AFF1: variants seen among roughly 807,000 people sequenced by gnomAD.
AFF1 encodes AF4/FMR2 family member 1.
Under a neutral mutation model 121.7 loss-of-function variants are expected in AFF1, and 48 were observed. The ratio of observed to expected loss-of-function variants is 0.39; its 90% confidence interval spans 0.31 to 0.50. AFF1 has a LOEUF of 0.50. Among genes scored for constraint, AFF1 ranks in the 20% least tolerant of loss-of-function variants. The pLI, the probability that AFF1 is intolerant of heterozygous loss-of-function variation, is 0.76. For missense variants in AFF1, 1,523 were observed against 1,511.7 expected (o/e 1.01, Z -0.12); for synonymous variants, 613 against 563.0 (o/e 1.09, Z -1.26).
chr4:87,012,274 A>T (rs544656123), intron 2 of AFF1, among the ~76,000 whole-genome samples: 1 of 140,250 alleles, frequency 7.1e-6, no homozygotes, highest in Non-Finnish European at 1.5e-5. Context: ...GGGGTTTTCA[A>T]CATCTTGGCC....
chr4:86,982,796 C>G (rs1276658498), intron 2 of AFF1, among the ~76,000 whole-genome samples: 1 of 135,188 alleles, frequency 7.4e-6, no homozygotes, highest in Non-Finnish European at 1.5e-5. Flanking sequence ...TGTGGTGAGC[C>G]GAGATCGTGC....
intron 2 of AFF1, among the ~76,000 whole-genome samples, chr4:87,040,832 C>A (rs1730063667): frequency 6.7e-6 from 1 of 148,330 alleles, no homozygotes; most frequent in Non-Finnish European, 1.5e-5. Flanking sequence ...CTCAGCCCCC[C>A]AAAGTGCTGG....
At chr4:87,038,923 A>G (rs563219968) in intron 2 of AFF1, among the ~76,000 whole-genome samples, 2 of 152,166 alleles carry the variant, frequency 1.3e-5, no homozygotes, top group African/African-American at 4.8e-5. Context: ...AGGAAGGCCT[A>G]TGTGAAGTGA....
At chr4:87,091,728 G>A (rs571448176) in intron 6 of AFF1, 65 bp from the exon 7 acceptor site, 3 of 1,112,412 alleles carry the variant, frequency 2.7e-6, no homozygotes, top group Admixed American at 2.7e-5. Context: ...AAAGCTCAAC[G>A]GTTTTCTCTT....
In AFF1 at chr4:87,137,090, A is replaced by G. The variant is rs996924538; in HGVS notation, c.*1389A>G. ...CCATAAGCACAGATTTTTCTTTTTC[A>G]TTGAAACTTTAAAGGTTATTATTGG... On this transcript the variant is annotated 3_prime_UTR_variant, in exon 21 of 21. Coordinates refer to ENST00000395146, the MANE Select transcript of AFF1 (RefSeq NM_001166693.3). 1 of 225,030 alleles carries G rather than the reference A, an allele frequency of 4.4e-6. No homozygotes were observed. Among genetic ancestry groups the G allele is most frequent in the East Asian group, 6.5e-5 (1 of 15,442 alleles). The allele number at this position is 225,030 out of a possible 1,614,324, so 13.9% of individuals were successfully genotyped here. A position where few individuals can be genotyped will look rare whatever the true frequency, so the allele number is the denominator to read the frequency against.
At chr4:86,950,499 C>A (rs1578832450) in intron 2 of AFF1, among the ~76,000 whole-genome samples, 3 of 152,278 alleles carry the variant, frequency 2.0e-5, no homozygotes, top group South Asian at 4.1e-4. Context: ...GAATTCTTTT[C>A]CCACTTCTTG....
intron 2 of AFF1, among the ~76,000 whole-genome samples, chr4:86,982,880 G>GCTTGTTTGC (rs1723886927): frequency 1.5e-5 from 2 of 133,594 alleles, no homozygotes; most frequent in South Asian, 4.6e-4. Flanking sequence ...AAAAAAGGAA[G>GCTTGTTTGC]CTTGTTTGCC....
intron 2 of AFF1, among the ~76,000 whole-genome samples, chr4:86,986,348 G>T (rs1179821186): frequency 6.6e-6 from 1 of 152,080 alleles, no homozygotes; most frequent in South Asian, 2.1e-4. Context: ...CTGTGTTACA[G>T]GCATGAGCCA....
At chr4:87,033,379 T>C (rs983445345) in intron 2 of AFF1, among the ~76,000 whole-genome samples, 21 of 152,336 alleles carry the variant, frequency 1.4e-4, no homozygotes, top group African/African-American at 4.8e-4. Flanking sequence ...AAGGTTTTTC[T>C]TATTGTATGT....
chr4:87,021,045 A>T (rs1727848423), intron 2 of AFF1, among the ~76,000 whole-genome samples: 1 of 152,162 alleles, frequency 6.6e-6, no homozygotes, highest in Non-Finnish European at 1.5e-5. Context: ...GCCATCATCA[A>T]ATTCACTGTA....
intron 2 of AFF1, among the ~76,000 whole-genome samples, chr4:86,953,918 C>T (rs1464090993): frequency 2.0e-5 from 3 of 152,090 alleles, no homozygotes; most frequent in African/African-American, 7.2e-5. Flanking sequence ...ACCATGTTGG[C>T]CAGGCTGGGC....
At chr4:86,949,534 ATTATTTTT>A (rs1721125268) in intron 2 of AFF1, 26 of 347,388 alleles carry the variant, frequency 7.5e-5, no homozygotes, top group African/African-American at 7.0e-4. Context: ...TATTATTATT[ATTATTTTT>A]TTTTTTTTTT....
At chr4:87,016,362 AAC>A (rs985343207) in intron 2 of AFF1, among the ~76,000 whole-genome samples, 15 of 151,946 alleles carry the variant, frequency 9.9e-5, no homozygotes, top group African/African-American at 3.4e-4. Flanking sequence ...CATCCTGACT[AAC>A]ACAGTGAAAC....
chr4:87,070,411 A>G (rs1032880787), intron 4 of AFF1, among the ~76,000 whole-genome samples: 3 of 152,264 alleles, frequency 2.0e-5, no homozygotes, highest in Non-Finnish European at 2.9e-5. Flanking sequence ...TGCTGGGATT[A>G]CAGGCGTGAG....
intron 17 of AFF1, 55 bp downstream of exon 17, chr4:87,131,274 A>G (rs1020322226): frequency 1.3e-6 from 2 of 1,598,486 alleles, no homozygotes; most frequent in African/African-American, 1.3e-5. Flanking sequence ...CCTCACCTTT[A>G]TTGTTTTAAT....
At chr4:87,069,271 C>CTT (rs753186809) in intron 4 of AFF1, among the ~76,000 whole-genome samples, 7,148 of 79,922 alleles carry the variant, frequency 0.089, 584 homozygotes, top group African/African-American at 0.18. Context: ...TGTGTGGCCT[C>CTT]TTTTTTTTTT....
Position 87,114,824 on chromosome 4 carries a change from A to G in AFF1, c.1991A>G (p.Asn664Ser). 6.2e-7 allele frequency: 1 copy of G among 1,613,838 alleles called. No homozygotes were observed. The highest frequency in any genetic ancestry group is 8.5e-7 in the Non-Finnish European group (1 of 1,179,890). The change falls in exon 12 of 21, where the codon AAC becomes AGC. Residue 664 changes from asparagine (N) to serine (S), a missense_variant. Physicochemically the swap from Asn to Ser is conservative, Grantham distance 46 (BLOSUM62 1). Around this residue, in one of 5 missense-constraint regions of AFF1, gnomAD observed 905 missense variants for 842.5 expected, o/e 1.07. Transcript: ENST00000395146. ...TKGRPRAAAS[N>S]EPKPAVPPSS... is the part of the protein sequence containing the mutation. Reference sequence around the variant, plus strand: ...GGACGGCCCCGGGCCGCAGCAAGCAACGAACCCAAGCCAGCAGTGCCCCCC... The same window carrying G: ...GGACGGCCCCGGGCCGCAGCAAGCAGCGAACCCAAGCCAGCAGTGCCCCCC...
At chr4:87,036,137 AC>A (rs1194057171) in intron 2 of AFF1, among the ~76,000 whole-genome samples, 1 of 152,198 alleles carries the variant, frequency 6.6e-6, no homozygotes, top group Non-Finnish European at 1.5e-5. Flanking sequence ...AGGGGCCTTT[AC>A]AACTAAAGGG....
At chr4:87,071,405 C>A (rs1397397679) in intron 4 of AFF1, among the ~76,000 whole-genome samples, 1 of 152,294 alleles carries the variant, frequency 6.6e-6, no homozygotes, top group East Asian at 1.9e-4. Flanking sequence ...TTCATGCCAG[C>A]GCAGCCTGGT....
Sources: allele counts gnomAD v4.1 joint callset (sites outside exome capture counted in the v4.1 genomes callset), GRCh38; gene constraint gnomAD v4.1.1; regional missense constraint gnomAD v4.1.1; transcripts MANE v1.5; gene names NCBI Gene and HGNC (gene_info 2026-07-23, HGNC 2026-07-21).